The following WDR19 variants were observed in gnomAD, a reference collection of about 807,000 sequenced individuals.
WDR19 encodes the protein WD repeat-containing protein 19.
In WDR19, 121 loss-of-function variants were observed where a neutral mutation model predicts 180.0. The ratio of observed to expected loss-of-function variants is 0.67; its 90% confidence interval spans 0.58 to 0.78. WDR19 has a LOEUF of 0.78. WDR19 is among the 30% of genes least tolerant of loss of function. WDR19 has a pLI of 0.00. For missense variants in WDR19, 1,450 were observed against 1,640.7 expected (o/e 0.88, Z 2.01); for synonymous variants, 497 against 540.7 (o/e 0.92, Z 1.12).
At chr4:39,263,457 C>A (rs899526251) in intron 28 of WDR19, among the ~76,000 whole-genome samples, 3 of 152,258 alleles carry the variant, frequency 2.0e-5, no homozygotes, top group Admixed American at 6.5e-5. Context: ...CTTCCCTGGC[C>A]CCTCTGCCCC....
intron 9 of WDR19, among the ~76,000 whole-genome samples, chr4:39,207,221 A>G (rs1728053359): frequency 6.6e-6 from 1 of 152,214 alleles, no homozygotes; most frequent in Non-Finnish European, 1.5e-5. Flanking sequence ...GCAAATGGAG[A>G]AAATAAAGAG....
At chr4:39,219,932 A>G (rs911170471) in intron 14 of WDR19, among the ~76,000 whole-genome samples, 1 of 152,152 alleles carries the variant, frequency 6.6e-6, no homozygotes, top group African/African-American at 2.4e-5. Flanking sequence ...ACTTTAGCAA[A>G]ATAGTGGCCG....
chr4:39,257,418 T>G, intron 27 of WDR19, 68 bp from the exon 28 acceptor site: 1 of 1,414,348 alleles, frequency 7.1e-7, no homozygotes, highest in South Asian at 1.3e-5. Context: ...TAAAGCTGTG[T>G]GAAAGCTTTG....
chr4:39,237,725 C>T (rs1731519326), intron 20 of WDR19: 2 of 152,082 alleles, frequency 1.3e-5, no homozygotes, highest in Non-Finnish European at 1.5e-5. Flanking sequence ...CAAAAAGTGA[C>T]GTTGGAATCT....
rs377425662 is a variant in WDR19 at position 39,240,298 on chromosome 4, G to A, written c.2385G>A (p.Leu795=). ...LEFAGDYVNA[L]AHYEKGITGD... ...TCAGGGGTGATTATGTAAATGCTTT[G>A]GCTCATTATGAGAAAGGAATAACAG... The change falls in exon 21 of 37, where the codon TTG becomes TTA. Residue 795 remains leucine (L), a synonymous_variant. Coordinates refer to ENST00000399820, the MANE Select transcript of WDR19 (RefSeq NM_025132.4). The A allele has an allele frequency of 6.3e-6, 9 of 1,420,788 alleles. No individual in the cohort carries two copies. In the African/African-American group the frequency reaches 1.0e-4, roughly 17 times the overall value. The allele number at this position is 1,420,788 out of a possible 1,614,324, so 88.0% of individuals were successfully genotyped here. A position where few individuals can be genotyped will look rare whatever the true frequency, so the allele number is the denominator to read the frequency against.
chr4:39,281,363 G>A (rs1736523521), intron 36 of WDR19, among the ~76,000 whole-genome samples: 3 of 150,584 alleles, frequency 2.0e-5, no homozygotes, highest in Non-Finnish European at 2.9e-5. Flanking sequence ...GTGTGAGGAG[G>A]GGTTGGGTTT....
chr4:39,278,785 A>C, intron 36 of WDR19, 122 bp downstream of exon 36: 3 of 484,614 alleles, frequency 6.2e-6, no homozygotes, highest in Non-Finnish European at 1.1e-5. Flanking sequence ...GATTTGAACA[A>C]TCTGACAACC....
At chr4:39,253,367 A>G (rs971984663) in intron 25 of WDR19, 75 bp downstream of exon 25, 25 of 1,419,790 alleles carry the variant, frequency 1.8e-5, no homozygotes, top group Non-Finnish European at 2.4e-5. Context: ...CTATCATCAA[A>G]TATATTAATT....
Position 39,231,691 on chromosome 4 carries a change from T to G in WDR19, c.1983-106T>G, listed in dbSNP as rs1256560032. Reference sequence around the variant, plus strand: ...TGACAATTACAGGTTAAGAAATGTTTTAGACAGTTTATCTGGGGCACGCTA... The same window carrying G: ...TGACAATTACAGGTTAAGAAATGTTGTAGACAGTTTATCTGGGGCACGCTA... On this transcript the variant is annotated intron_variant, in intron 17 of 36. Transcript: ENST00000399820. 4.0e-6 allele frequency: 4 copies of G among 990,486 alleles called. No individual in the cohort carries two copies. The African/African-American group carries it at 6.5e-5, about 16-fold the overall frequency. The allele number at this position is 990,486 out of a possible 1,614,324, so 61.4% of individuals were successfully genotyped here. A position where few individuals can be genotyped will look rare whatever the true frequency, so the allele number is the denominator to read the frequency against.
rs140771500 is a variant in WDR19, at chr4:39,230,391, G to A, written c.1983-1406G>A. ...CACCACCACAGGCAGTCCTGCTTGG[G>A]GTCTTTCTGATGTGTTGCCTCAGAG... On this transcript the variant is annotated intron_variant, in intron 17 of 36. Coordinates refer to ENST00000399820, the MANE Select transcript of WDR19 (RefSeq NM_025132.4). Among the ~76,000 whole-genome samples the A allele has an allele frequency of 2.7e-3, 406 of 152,202 alleles. 1 individual carries two copies. Among genetic ancestry groups the A allele is most frequent in the Admixed American group, 4.1e-3 (63 of 15,290 alleles).
intron 7 of WDR19, among the ~76,000 whole-genome samples, chr4:39,204,387 A>G (rs1727732013): frequency 6.6e-6 from 1 of 152,142 alleles, no homozygotes; most frequent in Non-Finnish European, 1.5e-5. Flanking sequence ...ACCCGGCCAA[A>G]GTTGTAGCTT....
chr4:39,253,086 A>C, intron 24 of WDR19, 60 bp from the exon 25 acceptor site: 1 of 1,493,832 alleles, frequency 6.7e-7, no homozygotes, highest in Non-Finnish European at 9.0e-7. Flanking sequence ...AACATTTATC[A>C]ACATTTTCTC....
At chr4:39,195,496 A>G (rs1321069412) in intron 5 of WDR19, among the ~76,000 whole-genome samples, 3 of 151,872 alleles carry the variant, frequency 2.0e-5, no homozygotes, top group Non-Finnish European at 4.4e-5. Flanking sequence ...TATGAGTTCC[A>G]TTTGCCTCAG....
intron 35 of WDR19, 108 bp downstream of exon 35, chr4:39,278,315 C>A: frequency 8.8e-7 from 1 of 1,134,814 alleles, no homozygotes; most frequent in South Asian, 1.5e-5. Flanking sequence ...CTAAGGATCT[C>A]TAAAGACTCA....
chr4:39,242,501 T>C (rs1732059556), intron 21 of WDR19, among the ~76,000 whole-genome samples: 3 of 152,010 alleles, frequency 2.0e-5, no homozygotes, highest in Admixed American at 2.0e-4. Context: ...CTTACTGAAG[T>C]ATAGTTGTGG....
chr4:39,224,968 C>A lies in WDR19; in HGVS notation c.1564C>A (p.Pro522Thr). The change falls in exon 15 of 37, where the codon CCC (proline) becomes ACC (threonine). Residue 522 changes from proline (P) to threonine (T), a missense_variant. Transcript: ENST00000399820. ...RHPVSVKKIF[P>T]DPNGTRLVFI... ...TCCTGTCAGTGTGAAAAAGATTTTTCCCGACCCAAATGGGACCAGATTAGT... is the reference window on the plus strand; with the variant it reads ...TCCTGTCAGTGTGAAAAAGATTTTTACCGACCCAAATGGGACCAGATTAGT... 1 of 1,577,362 alleles carries A rather than the reference C, an allele frequency of 6.3e-7. No homozygotes were observed. The highest frequency in any genetic ancestry group is 1.2e-5 in the South Asian group (1 of 85,658).
intron 24 of WDR19, among the ~76,000 whole-genome samples, chr4:39,246,692 C>A (rs910095635): frequency 6.6e-6 from 1 of 152,254 alleles, no homozygotes; most frequent in Admixed American, 6.5e-5. Flanking sequence ...TCAAACGGCA[C>A]ACCAGGAGAT....
At chr4:39,282,514 C>T (rs1736647524) in intron 36 of WDR19, among the ~76,000 whole-genome samples, 1 of 152,184 alleles carries the variant, frequency 6.6e-6, no homozygotes, top group Non-Finnish European at 1.5e-5. Context: ...TCTCCTGCCT[C>T]AGCCCCCCAA....
intron 33 of WDR19, among the ~76,000 whole-genome samples, chr4:39,275,714 G>A (rs1171763633): frequency 6.6e-6 from 1 of 152,180 alleles, no homozygotes; most frequent in African/African-American, 2.4e-5. Context: ...TGCCTCACAG[G>A]ACTTAAGGCT....
Sources: allele counts gnomAD v4.1 joint callset (sites outside exome capture counted in the v4.1 genomes callset), GRCh38; gene constraint gnomAD v4.1.1; transcripts MANE v1.5; gene names NCBI Gene and HGNC (gene_info 2026-07-23, HGNC 2026-07-21).